Variants in MLLT3 observed in about 807,000 individuals in gnomAD.
The protein encoded by MLLT3 is MLLT3 super elongation complex subunit.
In MLLT3, 4 loss-of-function variants were observed where a neutral mutation model predicts 53.2. The ratio of observed to expected loss-of-function variants is 0.08; its 90% CI spans 0.04 to 0.17. The LOEUF is 0.17. Among genes scored for constraint, MLLT3 ranks in the 10% least tolerant of loss-of-function variants. MLLT3 has a pLI of 1.00. For synonymous variants in MLLT3, 283 were observed against 230.6 expected (o/e 1.23, Z -2.06); for missense variants, 569 against 684.0 (o/e 0.83, Z 1.87).
At position 20,622,487 on chromosome 9, in the gene MLLT3, A is replaced by C. The variant is rs1821051703; in HGVS notation, c.-231T>G. 7 of 503,866 alleles carry C rather than the reference A, an allele frequency of 1.4e-5. No individual in the cohort carries two copies. In the South Asian group the frequency reaches 1.9e-4, roughly 13 times the overall value. 31.2% of individuals were successfully genotyped at this position (503,866 alleles called of 1,614,324 possible). A position where few individuals can be genotyped will look rare whatever the true frequency, so the allele number is the denominator to read the frequency against. On this transcript the variant is annotated 5_prime_UTR_variant, in exon 1 of 11. Coordinates refer to ENST00000380338, the MANE Select transcript of MLLT3 (RefSeq NM_004529.4). The stretch of plus-strand genomic sequence containing the variant: ...GCAGCAGCAGCAGCAGCTCCAGGGT[A>C]AAGAAGATGATTGCGGAGCATGCGC...
intron 2 of MLLT3, among the ~76,000 whole-genome samples, chr9:20,540,844 C>T (rs1053130902): frequency 6.6e-6 from 1 of 152,318 alleles, no homozygotes; most frequent in African/African-American, 2.4e-5. Context: ...TTCTTTTCTA[C>T]GACATGGTCA....
At chr9:20,531,546 T>G (rs373075549) in intron 2 of MLLT3, among the ~76,000 whole-genome samples, 2 of 152,196 alleles carry the variant, frequency 1.3e-5, no homozygotes, top group African/African-American at 4.8e-5. Context: ...TGGCAACCAC[T>G]CTAGTTCTGC....
At chr9:20,424,371 A>G (rs778359858) in intron 4 of MLLT3, among the ~76,000 whole-genome samples, 2 of 152,226 alleles carry the variant, frequency 1.3e-5, no homozygotes, top group Non-Finnish European at 2.9e-5. Context: ...GGCAGAGCAC[A>G]TGATGCTTCC....
chr9:20,438,206 A>C (rs545345248), intron 4 of MLLT3, among the ~76,000 whole-genome samples: 1 of 152,258 alleles, frequency 6.6e-6, no homozygotes, highest in African/African-American at 2.4e-5. Context: ...AACTCTGTCT[A>C]GACTATATCA....
chr9:20,602,336 C>T (rs1338905201), intron 2 of MLLT3, among the ~76,000 whole-genome samples: 1 of 152,066 alleles, frequency 6.6e-6, no homozygotes, highest in African/African-American at 2.4e-5. Flanking sequence ...AATAACTATA[C>T]AGCATAGTAT....
At position 20,448,385 on chromosome 9, in the gene MLLT3, T is replaced by C. The variant is rs1174442087; in HGVS notation, c.277-119A>G. Reference sequence around the variant, plus strand: ...GAACTAAGACATCTAACAGCTAAACTGTCAAAGTAGTACTGGGAAAAAAAA... The same window carrying C: ...GAACTAAGACATCTAACAGCTAAACCGTCAAAGTAGTACTGGGAAAAAAAA... On this transcript the variant is annotated intron_variant, in intron 3 of 10. Transcript: ENST00000380338. This position sits in a 1 kb window ranked among gnomAD's most constrained non-coding sequence, Gnocchi z 4.0. 1.2e-6 allele frequency: 1 copy of C among 843,156 alleles called. No individual in the cohort carries two copies. Among genetic ancestry groups the C allele is most frequent in the East Asian group, 2.6e-5 (1 of 38,210 alleles). 52.2% of individuals were successfully genotyped at this position (843,156 alleles called of 1,614,324 possible). A position where few individuals can be genotyped will look rare whatever the true frequency, so the allele number is the denominator to read the frequency against.
At chr9:20,513,559 T>G (rs1817820000) in intron 2 of MLLT3, among the ~76,000 whole-genome samples, 1 of 152,284 alleles carries the variant, frequency 6.6e-6, no homozygotes, top group Non-Finnish European at 1.5e-5. Context: ...TGGGAAGTTC[T>G]AGTTGGTGGG....
In MLLT3 at chr9:20,342,410, T is replaced by C. The variant is rs1175439631; in HGVS notation, c.*4033A>G. ...AAGATACTGACAGATTTATAAAATG[T>C]ATTGGCCTTGCACTGTTAATCTCAA... On this transcript the variant is annotated 3_prime_UTR_variant, in exon 11 of 11. Coordinates refer to ENST00000380338, the MANE Select transcript of MLLT3 (RefSeq NM_004529.4). 9.0e-6 allele frequency: 2 copies of C among 222,742 alleles called. No homozygotes were observed. The highest frequency in any genetic ancestry group is 1.8e-5 in the Non-Finnish European group (2 of 111,656). The allele number at this position is 222,742 out of a possible 1,614,324, so 13.8% of individuals were successfully genotyped here. A position where few individuals can be genotyped will look rare whatever the true frequency, so the allele number is the denominator to read the frequency against.
intron 2 of MLLT3, among the ~76,000 whole-genome samples, chr9:20,563,776 T>G (rs572290031): frequency 6.6e-6 from 1 of 152,110 alleles, no homozygotes; most frequent in Non-Finnish European, 1.5e-5. Flanking sequence ...ACCTTCTTTA[T>G]GTGGGAAAGA....
intron 2 of MLLT3, among the ~76,000 whole-genome samples, chr9:20,488,796 G>A (rs1408393899): frequency 2.6e-5 from 4 of 152,132 alleles, no homozygotes; most frequent in Admixed American, 6.6e-5. Context: ...TGCCAGATAA[G>A]GCTGTAAAAC....
rs368673208 is a variant in MLLT3 at position 20,580,162 on chromosome 9, T to C, written c.193+40492A>G. Among the ~76,000 whole-genome samples the C allele has an allele frequency of 1.4e-4, 22 of 152,316 alleles. 1 individual carries two copies. In the East Asian group the frequency reaches 4.0e-3, roughly 28 times the overall value. ...ACAGGCACAACCCCAGCCATGCTAA[T>C]GGTCATAAATGCAAATGCTATCCAC... is the stretch of plus-strand genomic sequence containing the variant. On this transcript the variant is annotated intron_variant, in intron 2 of 10. Coordinates refer to ENST00000380338, the MANE Select transcript of MLLT3 (RefSeq NM_004529.4).
chr9:20,511,912 T>C (rs1046595475), intron 2 of MLLT3, among the ~76,000 whole-genome samples: 3 of 152,082 alleles, frequency 2.0e-5, no homozygotes, highest in Non-Finnish European at 4.4e-5. Flanking sequence ...CTCTTCTCTG[T>C]GGAGCAGAGA....
intron 2 of MLLT3, among the ~76,000 whole-genome samples, chr9:20,583,021 T>C (rs1223229199): frequency 3.3e-5 from 5 of 152,160 alleles, no homozygotes; most frequent in African/African-American, 1.2e-4. Flanking sequence ...CAAAGTCTCA[T>C]GTGAGAAAAG....
At chr9:20,532,196 T>A (rs1454729387) in intron 2 of MLLT3, among the ~76,000 whole-genome samples, 1 of 152,090 alleles carries the variant, frequency 6.6e-6, no homozygotes, top group African/African-American at 2.4e-5. Flanking sequence ...GTCTTCACAA[T>A]AATCTAGAAA....
At chr9:20,577,890 C>A (rs1819693553) in intron 2 of MLLT3, among the ~76,000 whole-genome samples, 1 of 152,298 alleles carries the variant, frequency 6.6e-6, no homozygotes, top group Non-Finnish European at 1.5e-5. Context: ...GTTTTCCTGG[C>A]TGGCCAGTTC....
chr9:20,437,847 ATAAC>A (rs1823444348), intron 4 of MLLT3, among the ~76,000 whole-genome samples: 1 of 152,178 alleles, frequency 6.6e-6, no homozygotes, highest in Non-Finnish European at 1.5e-5. Context: ...AAAACAATAA[ATAAC>A]TATCTTTTGT....
intron 2 of MLLT3, among the ~76,000 whole-genome samples, chr9:20,531,447 T>C (rs1818334531): frequency 6.6e-6 from 1 of 152,160 alleles, no homozygotes; most frequent in Non-Finnish European, 1.5e-5. Context: ...CCTTTCAACT[T>C]TATATTCACC....
chr9:20,609,792 G>C (rs985017244), intron 2 of MLLT3, among the ~76,000 whole-genome samples: 10 of 152,046 alleles, frequency 6.6e-5, no homozygotes, highest in Non-Finnish European at 1.3e-4. Flanking sequence ...TATTACTGCA[G>C]CAAGTCTTTC....
intron 4 of MLLT3, among the ~76,000 whole-genome samples, chr9:20,416,407 A>G (rs1210160971): frequency 6.6e-6 from 1 of 152,078 alleles, no homozygotes; most frequent in East Asian, 1.9e-4. Context: ...TAAGTATTAA[A>G]AAACAGCAAC....
Sources: gnomAD v4.1 joint callset for allele counts (sites outside exome capture counted in the v4.1 genomes callset) on GRCh38, gnomAD v4.1.1 for gene constraint, Gnocchi (gnomAD v3.1) non-coding constraint, MANE v1.5 for transcripts, NCBI Gene and HGNC (gene_info 2026-07-23, HGNC 2026-07-21) for gene names.